DMRT1: variants seen among roughly 807,000 people sequenced by gnomAD.
DMRT1 encodes the protein doublesex and mab-3 related transcription factor 1.
In DMRT1, 7 loss-of-function variants were observed where a neutral mutation model predicts 32.3. The ratio of observed to expected loss-of-function variants is 0.22; its 90% CI spans 0.12 to 0.41. DMRT1 has a LOEUF of 0.41. Among genes scored for constraint, DMRT1 ranks in the 10% least tolerant of loss-of-function variants. DMRT1 has a pLI of 1.00. For synonymous variants in DMRT1, 278 were observed against 206.1 expected, an observed-to-expected ratio of 1.35 and a Z score of -2.99; for missense variants, 625 against 500.5, an observed-to-expected ratio of 1.25 and a Z score of -2.37.
chr9:905,473 C>CGTGTGTGTGTGTGT (rs745430195), intron 3 of DMRT1, among the ~76,000 whole-genome samples: 8,149 of 143,400 alleles, frequency 0.057, 402 homozygotes, highest in African/African-American at 0.15. Flanking sequence ...CTCCCTTGCC[C>CGTGTGTGTGTGTGT]CTGTGTGTGT....
chr9:873,057 G>GGTT (rs1248428324), intron 2 of DMRT1, among the ~76,000 whole-genome samples: 1 of 152,148 alleles, frequency 6.6e-6, no homozygotes, highest in Admixed American at 6.5e-5. Context: ...CAGTTTGCTA[G>GGTT]GTAACCTTTA....
intron 2 of DMRT1, among the ~76,000 whole-genome samples, chr9:873,080 T>A (rs1227803926): frequency 1.3e-5 from 2 of 152,204 alleles, no homozygotes; most frequent in Non-Finnish European, 2.9e-5. Context: ...CCAGTCAAGG[T>A]GACATCTAAA....
intron 4 of DMRT1, among the ~76,000 whole-genome samples, chr9:931,624 C>A (rs1443944169): frequency 6.6e-6 from 1 of 152,206 alleles, no homozygotes; most frequent in Non-Finnish European, 1.5e-5. Flanking sequence ...GGGTTGTAGA[C>A]TGCCATCTTA....
chr9:859,524 A>G (rs78093933), intron 2 of DMRT1, among the ~76,000 whole-genome samples: 2,348 of 152,282 alleles, frequency 0.015, 64 homozygotes, highest in African/African-American at 0.054. Flanking sequence ...GCAAATGTAT[A>G]TGTGCATTTC....
intron 2 of DMRT1, among the ~76,000 whole-genome samples, chr9:883,982 G>T (rs1420616887): frequency 6.6e-6 from 1 of 152,108 alleles, no homozygotes; most frequent in East Asian, 1.9e-4. Flanking sequence ...GTTACAAAGA[G>T]AAAATCTGGA....
chr9:896,341 C>T (rs1358400351), intron 3 of DMRT1, among the ~76,000 whole-genome samples: 4 of 135,538 alleles, frequency 3.0e-5, no homozygotes, highest in East Asian at 2.2e-4. Flanking sequence ...CAGGCTGGTG[C>T]GATCTTGGCT....
intron 4 of DMRT1, among the ~76,000 whole-genome samples, chr9:944,391 C>T (rs1180061220): frequency 6.6e-6 from 1 of 152,194 alleles, no homozygotes; most frequent in Non-Finnish European, 1.5e-5. Context: ...CCTCCAGCAT[C>T]CTCACACAAT....
At chr9:888,650 G>C (rs756876214) in intron 2 of DMRT1, among the ~76,000 whole-genome samples, 2 of 152,072 alleles carry the variant, frequency 1.3e-5, no homozygotes, top group Non-Finnish European at 2.9e-5. Context: ...CAGCGATGCA[G>C]TCAGGGGCAT....
intron 3 of DMRT1, chr9:894,744 T>A (rs1422059085): frequency 5.8e-6 from 1 of 172,230 alleles, no homozygotes; most frequent in Non-Finnish European, 1.2e-5. Context: ...CCAACCTGGG[T>A]GCATTTTTCG....
chr9:916,380 T>C (rs1440248766), intron 3 of DMRT1, among the ~76,000 whole-genome samples: 8 of 152,162 alleles, frequency 5.3e-5, no homozygotes, highest in East Asian at 1.9e-4. Context: ...TTGCTTTTTT[T>C]TTTTGAGACA....
At chr9:872,512 T>A (rs900602172) in intron 2 of DMRT1, among the ~76,000 whole-genome samples, 1 of 152,240 alleles carries the variant, frequency 6.6e-6, no homozygotes, top group Non-Finnish European at 1.5e-5. Flanking sequence ...TGGTAACCAC[T>A]AGCCTACTTT....
chr9:959,002 G>C (rs776984404), intron 4 of DMRT1, among the ~76,000 whole-genome samples: 1 of 152,218 alleles, frequency 6.6e-6, no homozygotes, highest in Non-Finnish European at 1.5e-5. Flanking sequence ...TCTTCTGCAA[G>C]GCTGCTTTAA....
intron 3 of DMRT1, among the ~76,000 whole-genome samples, chr9:913,536 T>C (rs1244919738): frequency 6.6e-6 from 1 of 152,158 alleles, no homozygotes; most frequent in African/African-American, 2.4e-5. Context: ...TAAAAATTGC[T>C]ATTTACATAG....
chr9:960,184 G>A (rs770162503), intron 4 of DMRT1, among the ~76,000 whole-genome samples: 3 of 152,178 alleles, frequency 2.0e-5, no homozygotes, highest in African/African-American at 7.2e-5. Flanking sequence ...ACATGATGCC[G>A]TGAAAAGCAC....
At chr9:882,885 C>T (rs1435517734) in intron 2 of DMRT1, among the ~76,000 whole-genome samples, 1 of 151,258 alleles carries the variant, frequency 6.6e-6, no homozygotes, top group African/African-American at 2.4e-5. Flanking sequence ...GATTCTTCTG[C>T]CTCAGCCTCC....
chr9:847,393 T>G (rs1045065448), intron 2 of DMRT1, among the ~76,000 whole-genome samples: 1 of 152,194 alleles, frequency 6.6e-6, no homozygotes, highest in Admixed American at 6.5e-5. Flanking sequence ...GAGAATGATG[T>G]TAGAGAGAGG....
At chr9:887,528 C>A (rs796476783) in intron 2 of DMRT1, among the ~76,000 whole-genome samples, 3 of 152,224 alleles carry the variant, frequency 2.0e-5, no homozygotes, top group Non-Finnish European at 4.4e-5. Flanking sequence ...CTTCCATTCT[C>A]ATTTGCAGTT....
rs563352726 is a variant in DMRT1 at position 967,980 on chromosome 9, C to G, written c.968-5C>G. The G allele has an allele frequency of 1.9e-5, 30 of 1,613,630 alleles. No homozygotes were observed. In the African/African-American group the frequency reaches 3.2e-4, roughly 17 times the overall value. On this transcript the variant is annotated splice_region_variant and splice_polypyrimidine_tract_variant and intron_variant, in intron 4 of 4. Coordinates refer to ENST00000382276, the MANE Select transcript of DMRT1 (RefSeq NM_021951.3). ...TCTCTCTTTCTCTCTCACCTCACTT[C>G]GCAGTATTCTCGCCGCCCAGCAGTC...
chr9:862,752 T>A (rs1265020370), intron 2 of DMRT1, among the ~76,000 whole-genome samples: 1 of 151,770 alleles, frequency 6.6e-6, no homozygotes, highest in Non-Finnish European at 1.5e-5. Context: ...GTGTTGTCAA[T>A]GGTATTCCCT....
Sources: gnomAD v4.1 joint callset for allele counts (sites outside exome capture counted in the v4.1 genomes callset) on GRCh38, gnomAD v4.1.1 for gene constraint, MANE v1.5 for transcripts, NCBI Gene and HGNC (gene_info 2026-07-23, HGNC 2026-07-21) for gene names.